Variants in MAF observed in about 807,000 individuals in gnomAD.
MAF encodes MAF bZIP transcription factor.
MAF carries 10 observed loss-of-function variants against 22.0 expected under a neutral mutation model. The ratio of observed to expected loss-of-function variants is 0.45; its 90% CI spans 0.28 to 0.77. The LOEUF (loss-of-function observed/expected upper bound fraction) is 0.77, where lower values mean the gene tolerates loss of function less well. Among genes scored for constraint, MAF ranks in the 30% least tolerant of loss-of-function variants. The probability of loss-of-function intolerance (pLI) is 0.12; values close to 1 mark genes in which losing one functional copy is unlikely to be tolerated. For missense variants in MAF, 544 were observed against 548.4 expected, an observed-to-expected ratio of 0.99 and a Z score of 0.08; for synonymous variants, 337 against 255.8, an observed-to-expected ratio of 1.32 and a Z score of -3.03.
chr16:79,595,397 A>C (rs1455740294), intron 1 of MAF: 2 of 1,053,030 alleles, frequency 1.9e-6, no homozygotes, highest in African/African-American at 3.3e-5. Flanking sequence ...TCTTTCAGTC[A>C]GAGTTGCAAT....
At chr16:79,305,373 C>T in the MAF span, among the ~76,000 whole-genome samples, 1 of 152,198 alleles carries the variant, frequency 6.6e-6, no homozygotes, top group African/African-American at 2.4e-5. Flanking sequence ...CCAGTCCCAA[C>T]CTACTTCCAA....
chr16:79,362,418 A>AT, the MAF span, among the ~76,000 whole-genome samples: 1,743 of 152,200 alleles, frequency 0.011, 40 homozygotes, highest in African/African-American at 0.04. Context: ...GCCTCAATGA[A>AT]TTTTGTTGTT....
the MAF span, among the ~76,000 whole-genome samples, chr16:79,546,036 A>G: frequency 6.6e-6 from 1 of 152,068 alleles, no homozygotes; most frequent in South Asian, 2.1e-4. Flanking sequence ...ATTTTTGTCC[A>G]TTAAAAATAA....
chr16:79,451,666 A>G, the MAF span, among the ~76,000 whole-genome samples: 1 of 152,232 alleles, frequency 6.6e-6, no homozygotes, highest in Non-Finnish European at 1.5e-5. Flanking sequence ...CATTTAAAAT[A>G]TCTTTTTTAT....
At chr16:79,521,767 C>G in the MAF span, among the ~76,000 whole-genome samples, 1 of 152,152 alleles carries the variant, frequency 6.6e-6, no homozygotes, top group African/African-American at 2.4e-5. Context: ...CAGCTCATTT[C>G]AAACAGTTAC....
At chr16:79,236,957 A>AC in the MAF span, among the ~76,000 whole-genome samples, 3 of 151,646 alleles carry the variant, frequency 2.0e-5, no homozygotes, top group Admixed American at 6.6e-5. Context: ...AAAAAAAAAA[A>AC]AACTCAAATC....
the MAF span, among the ~76,000 whole-genome samples, chr16:79,482,088 G>C: frequency 6.6e-6 from 1 of 152,204 alleles, no homozygotes; most frequent in South Asian, 2.1e-4. Context: ...GATGTGAAAA[G>C]TGTTTGTAAC....
At position 79,598,844 on chromosome 16, in the gene MAF, G is replaced by T. The variant is rs1046957; in HGVS notation, c.1059C>A (p.Ser353Arg). ...AYKEKYEKLV[S>R]SGFRENGSSS... The stretch of plus-strand genomic sequence containing the variant: ...TCGAGCCGTTTTCTCGGAAGCCGCT[G>T]CTCACCAACTTCTCGTATTTCTCCT... The change falls in exon 1 of 2, where the codon AGC becomes AGA. Residue 353 changes from serine (S) to arginine (R), a missense_variant. By Grantham distance (110) the Ser-to-Arg change is moderately radical (BLOSUM62 -1). Coordinates refer to ENST00000326043, the MANE Select transcript of MAF (RefSeq NM_005360.5). 1.7e-5 allele frequency: 27 copies of T among 1,613,774 alleles called. No homozygotes were observed. Among genetic ancestry groups the T allele is most frequent in the Non-Finnish European group, 2.2e-5 (26 of 1,179,998 alleles).
At chr16:79,405,079 C>A in the MAF span, among the ~76,000 whole-genome samples, 1 of 152,152 alleles carries the variant, frequency 6.6e-6, no homozygotes, top group East Asian at 1.9e-4. Context: ...GCGTGGGTGA[C>A]ACTTTGGACT....
At chr16:79,448,280 A>G in the MAF span, among the ~76,000 whole-genome samples, 1 of 152,082 alleles carries the variant, frequency 6.6e-6, no homozygotes, top group Admixed American at 6.6e-5. Flanking sequence ...TCCTACAGCA[A>G]CCACCACTAT....
chr16:79,470,577 G>A, the MAF span, among the ~76,000 whole-genome samples: 3 of 152,202 alleles, frequency 2.0e-5, no homozygotes, highest in African/African-American at 7.2e-5. Context: ...TTCAGGTACT[G>A]TGCTAAGCAT....
At chr16:79,502,708 A>AATATAAATAT in the MAF span, among the ~76,000 whole-genome samples, 30 of 33,852 alleles carry the variant, frequency 8.9e-4, no homozygotes, top group African/African-American at 1.3e-3. Context: ...TATAAATATA[A>AATATAAATAT]ATATATATAT....
the MAF span, among the ~76,000 whole-genome samples, chr16:79,553,176 C>A: frequency 6.6e-6 from 1 of 152,366 alleles, no homozygotes; most frequent in Non-Finnish European, 1.5e-5. Flanking sequence ...AGCTGTCATG[C>A]TGATGCTCTG....
the MAF span, among the ~76,000 whole-genome samples, chr16:79,462,604 C>T: frequency 3.9e-5 from 6 of 152,156 alleles, no homozygotes; most frequent in African/African-American, 1.2e-4. Context: ...TACATTTGTA[C>T]ATGTGCAAAC....
chr16:79,557,427 A>G, the MAF span, among the ~76,000 whole-genome samples: 1 of 152,054 alleles, frequency 6.6e-6, no homozygotes, highest in Non-Finnish European at 1.5e-5. Context: ...CATGAGCAAG[A>G]AGAAATAGAT....
the MAF span, among the ~76,000 whole-genome samples, chr16:79,301,649 A>G: frequency 0.2 from 29,891 of 152,142 alleles, 3,659 homozygotes; most frequent in East Asian, 0.62. Flanking sequence ...GTATATAGAC[A>G]CATACATATA....
chr16:79,370,004 G>A, the MAF span, among the ~76,000 whole-genome samples: 4 of 152,212 alleles, frequency 2.6e-5, no homozygotes, highest in Non-Finnish European at 5.9e-5. Flanking sequence ...TGTCACGGAG[G>A]TGACTCAACC....
chr16:79,285,726 G>A, the MAF span, among the ~76,000 whole-genome samples: 2 of 152,156 alleles, frequency 1.3e-5, no homozygotes, highest in African/African-American at 4.8e-5. Context: ...AGAGGGCACC[G>A]CAGGACTCAC....
the MAF span, among the ~76,000 whole-genome samples, chr16:79,553,490 C>T: frequency 6.6e-6 from 1 of 152,208 alleles, no homozygotes; most frequent in Non-Finnish European, 1.5e-5. Flanking sequence ...TCAGTTTGTG[C>T]TCAGAAAGCA....
Sources: allele counts gnomAD v4.1 joint callset (sites outside exome capture counted in the v4.1 genomes callset), GRCh38; gene constraint gnomAD v4.1.1; transcripts MANE v1.5; gene names NCBI Gene and HGNC (gene_info 2026-07-23, HGNC 2026-07-21).